The following CELF2 variants were observed in gnomAD, a reference collection of about 807,000 sequenced individuals.
CELF2 encodes the protein CUG triplet repeat RNA-binding protein 2.
Under a neutral mutation model 62.6 loss-of-function variants are expected in CELF2, and 8 were observed. That is an observed-to-expected ratio of 0.13 (90% confidence interval 0.07 to 0.23). The LOEUF is 0.23. Among genes scored for constraint, CELF2 ranks in the 10% least tolerant of loss-of-function variants. The pLI is 1.00. For missense variants in CELF2, 333 were observed against 671.0 expected (o/e 0.50, Z 5.56); for synonymous variants, 258 against 250.0 (o/e 1.03, Z -0.30).
At chr10:11,167,368 A>T (rs539718107) in intron 2 of CELF2, among the ~76,000 whole-genome samples, 2 of 152,372 alleles carry the variant, frequency 1.3e-5, no homozygotes, top group Admixed American at 6.5e-5. Context: ...TATGCTTTAG[A>T]GAAATAACCA....
chr10:10,584,469 G>T, the CELF2 span, among the ~76,000 whole-genome samples: 1 of 152,200 alleles, frequency 6.6e-6, no homozygotes, highest in Non-Finnish European at 1.5e-5. Context: ...CCAAGACTTA[G>T]CTATTGTTAC....
At chr10:11,213,679 A>G (rs965784597) in intron 2 of CELF2, among the ~76,000 whole-genome samples, 1 of 152,226 alleles carries the variant, frequency 6.6e-6, no homozygotes, top group Non-Finnish European at 1.5e-5. Context: ...AAGTCTTTCA[A>G]ACACATTCCA....
chr10:10,747,495 C>T, the CELF2 span, among the ~76,000 whole-genome samples: 3 of 152,090 alleles, frequency 2.0e-5, no homozygotes, highest in African/African-American at 7.2e-5. Flanking sequence ...AGGCGGCAGG[C>T]ACCTGAACCT....
chr10:10,826,932 T>C (rs1351082110), intron 1 of CELF2, among the ~76,000 whole-genome samples: 1 of 152,220 alleles, frequency 6.6e-6, no homozygotes, highest in Non-Finnish European at 1.5e-5. Flanking sequence ...CCGTGAACTG[T>C]GCACAGAGTC....
chr10:11,165,239 G>A lies in CELF2; in HGVS notation c.75-247G>A, dbSNP rs761357477. 6.1e-5 allele frequency: 82 copies of A among 1,343,876 alleles called. No homozygotes were observed. The highest frequency in any genetic ancestry group is 7.4e-5 in the Non-Finnish European group (77 of 1,045,508). 83.2% of individuals were successfully genotyped at this position (1,343,876 alleles called of 1,614,324 possible). A position where few individuals can be genotyped will look rare whatever the true frequency, so the allele number is the denominator to read the frequency against. On this transcript the variant is annotated intron_variant, in intron 1 of 12. Transcript: ENST00000633077. The surrounding 1 kb of genome is among the most constrained non-coding windows in gnomAD (Gnocchi z 7.4). ...CACGCCCTGGGTGACAGGCGGCAGGGCGCTGCCCCGTGCTCCCCCGGCTCT... is the reference window on the plus strand; with the variant it reads ...CACGCCCTGGGTGACAGGCGGCAGGACGCTGCCCCGTGCTCCCCCGGCTCT...
chr10:10,493,987 C>T, the CELF2 span, among the ~76,000 whole-genome samples: 6 of 152,260 alleles, frequency 3.9e-5, no homozygotes, highest in East Asian at 3.9e-4. Flanking sequence ...GCTGTCTCCC[C>T]GGTGACCTCA....
intron 1 of CELF2, among the ~76,000 whole-genome samples, chr10:11,066,156 G>A (rs896027200): frequency 4.6e-5 from 7 of 152,186 alleles, no homozygotes; most frequent in Non-Finnish European, 8.8e-5. Flanking sequence ...GGCACCGGGA[G>A]TAAAGCTTTA....
At chr10:10,678,625 C>T in the CELF2 span, among the ~76,000 whole-genome samples, 1 of 152,186 alleles carries the variant, frequency 6.6e-6, no homozygotes, top group Non-Finnish European at 1.5e-5. Context: ...CCAGAAACTG[C>T]ACCAAATGCA....
chr10:10,824,729 C>A (rs2057246250), intron 1 of CELF2, among the ~76,000 whole-genome samples: 1 of 152,228 alleles, frequency 6.6e-6, no homozygotes, highest in Admixed American at 6.5e-5. Flanking sequence ...TGAATTGCAG[C>A]CAGAGGTCAG....
At chr10:11,000,489 A>G (rs1302891248), upstream of CELF2, among the ~76,000 whole-genome samples, 2 of 152,212 alleles carry the variant, frequency 1.3e-5, no homozygotes, top group Admixed American at 6.5e-5. Context: ...CTTGCTCATT[A>G]ATCATTCCTG....
rs528976744 is a variant in CELF2, at chr10:10,823,541, T to C, written c.53+24724T>C. On this transcript the variant is annotated intron_variant, in intron 1 of 13. Transcript: ENST00000636488. ...ACATAAGGGCTTTTGTTATCTGAGCTGTGTCTGTATGTGTATCTGTGTATG... is the reference window on the plus strand; with the variant it reads ...ACATAAGGGCTTTTGTTATCTGAGCCGTGTCTGTATGTGTATCTGTGTATG... Among the ~76,000 whole-genome samples the C allele has an allele frequency of 3.9e-5, 6 of 152,254 alleles. No individual in the cohort carries two copies. In the South Asian group the frequency reaches 1.2e-3, roughly 32 times the overall value.
At chr10:11,138,834 C>A (rs2060847511) in intron 1 of CELF2, among the ~76,000 whole-genome samples, 1 of 152,124 alleles carries the variant, frequency 6.6e-6, no homozygotes, top group Admixed American at 6.5e-5. Context: ...GGTGCTGTGA[C>A]TGAAAACGGC....
At chr10:11,286,887 T>A (rs11257047) in intron 8 of CELF2, among the ~76,000 whole-genome samples, 90,819 of 152,080 alleles carry the variant, frequency 0.6, 29,052 homozygotes, top group Non-Finnish European at 0.73. Flanking sequence ...GGTCTGGATG[T>A]CTCCTGGAAG....
chr10:10,950,966 G>T (rs776898143), intron 2 of CELF2, among the ~76,000 whole-genome samples: 2 of 152,176 alleles, frequency 1.3e-5, no homozygotes, highest in Non-Finnish European at 2.9e-5. Context: ...TGTGTATGTT[G>T]TAGTGGTTAT....
intron 1 of CELF2, among the ~76,000 whole-genome samples, chr10:11,121,342 G>T (rs1467237348): frequency 6.6e-6 from 1 of 152,136 alleles, no homozygotes; most frequent in Non-Finnish European, 1.5e-5. Context: ...TGGACTGTTT[G>T]CTTGAAAGAA....
At chr10:10,711,382 A>G in the CELF2 span, among the ~76,000 whole-genome samples, 1 of 152,188 alleles carries the variant, frequency 6.6e-6, no homozygotes, top group African/African-American at 2.4e-5. Flanking sequence ...GAAAAAGATG[A>G]CAGGCTTTGT....
intron 1 of CELF2, among the ~76,000 whole-genome samples, chr10:11,163,578 A>G (rs2066231945): frequency 6.6e-6 from 1 of 152,262 alleles, no homozygotes; most frequent in Non-Finnish European, 1.5e-5. Flanking sequence ...ACATTACACC[A>G]AAATTGTTGA....
At chr10:10,768,376 C>T in the CELF2 span, among the ~76,000 whole-genome samples, 3 of 151,950 alleles carry the variant, frequency 2.0e-5, no homozygotes, top group African/African-American at 7.3e-5. Context: ...AACGTGTTCG[C>T]AGGTTACAGC....
intron 1 of CELF2, among the ~76,000 whole-genome samples, chr10:10,888,134 T>C (rs1252937799): frequency 1.3e-5 from 2 of 152,324 alleles, no homozygotes; most frequent in East Asian, 1.9e-4. Context: ...AAGATGTACA[T>C]GTGCACAAGA....
Sources: allele counts gnomAD v4.1 joint callset (sites outside exome capture counted in the v4.1 genomes callset), GRCh38; gene constraint gnomAD v4.1.1; non-coding constraint Gnocchi (gnomAD v3.1); transcripts MANE v1.5; gene names NCBI Gene and HGNC (gene_info 2026-07-23, HGNC 2026-07-21).